Variants in HSPBAP1 observed in about 807,000 individuals in gnomAD.
The protein encoded by HSPBAP1 is HSPB1 associated protein 1.
Under a neutral mutation model 45.2 loss-of-function variants are expected in HSPBAP1, and 27 were observed. The ratio of observed to expected loss-of-function variants is 0.60; its 90% CI spans 0.44 to 0.82. The LOEUF is 0.82. Among genes scored for constraint, HSPBAP1 ranks in the 40% least tolerant of loss-of-function variants. The pLI is 0.00. For missense variants in HSPBAP1, 510 were observed against 590.9 expected, an observed-to-expected ratio of 0.86 and a Z score of 1.42; for synonymous variants, 204 against 202.7, an observed-to-expected ratio of 1.01 and a Z score of -0.06.
chr3:122,759,120 A>T, intron 4 of HSPBAP1, 104 bp downstream of exon 4: 3 of 1,453,524 alleles, frequency 2.1e-6, no homozygotes, highest in Non-Finnish European at 2.7e-6. Context: ...TGGGGCTGGG[A>T]CTACACCTTG....
intron 1 of HSPBAP1, among the ~76,000 whole-genome samples, chr3:122,780,228 C>T (rs1171091684): frequency 9.7e-5 from 5 of 51,504 alleles, no homozygotes; most frequent in Non-Finnish European, 1.9e-4. Context: ...GCTGGCCGGG[C>T]GGGGGGCTGA....
At chr3:122,776,961 T>G (rs1404194683) in intron 2 of HSPBAP1, among the ~76,000 whole-genome samples, 1 of 152,164 alleles carries the variant, frequency 6.6e-6, no homozygotes, top group African/African-American at 2.4e-5. Flanking sequence ...AAAACTGAAA[T>G]TCTAGACTAC....
At chr3:122,773,722 C>T (rs964987901) in intron 2 of HSPBAP1, among the ~76,000 whole-genome samples, 3 of 152,160 alleles carry the variant, frequency 2.0e-5, no homozygotes, top group East Asian at 1.9e-4. Context: ...ACTGCAGCCT[C>T]GACCTCCCAG....
chr3:122,752,575 A>C lies in HSPBAP1; in HGVS notation c.825+16T>G. On this transcript the variant is annotated intron_variant, in intron 6 of 7. Transcript: ENST00000306103. Reference sequence around the variant, plus strand: ...TGCACTTACTTAAAAAAAAAAAAAAAACAACGAAAAAGTACCAGTTCAATC... The same window carrying C: ...TGCACTTACTTAAAAAAAAAAAAAACACAACGAAAAAGTACCAGTTCAATC... 1 of 1,510,604 alleles carries C rather than the reference A, an allele frequency of 6.6e-7. No individual in the cohort carries two copies. Among genetic ancestry groups the C allele is most frequent in the Non-Finnish European group, 9.0e-7 (1 of 1,113,140 alleles). 93.6% of individuals were successfully genotyped at this position (1,510,604 alleles called of 1,614,324 possible).
chr3:122,780,973 C>G (rs531053753), intron 1 of HSPBAP1, among the ~76,000 whole-genome samples: 6 of 141,608 alleles, frequency 4.2e-5, no homozygotes, highest in African/African-American at 1.3e-4. Context: ...CGGGCAGAGA[C>G]GCTCCTCACT....
intron 3 of HSPBAP1, among the ~76,000 whole-genome samples, chr3:122,760,957 A>T (rs1243161046): frequency 6.6e-6 from 1 of 152,208 alleles, no homozygotes; most frequent in Non-Finnish European, 1.5e-5. Flanking sequence ...AAGTCTAATA[A>T]TGAGTGATAA....
Position 122,752,658 on chromosome 3 carries a change from C to T in HSPBAP1, c.758G>A (p.Arg253Lys). 1 of 1,608,224 alleles carries T rather than the reference C, an allele frequency of 6.2e-7. No homozygotes were observed. Among genetic ancestry groups the T allele is most frequent in the South Asian group, 1.1e-5 (1 of 89,682 alleles). ...LSPGQVLFVP[R>K]HWWHYVESID... is the part of the protein sequence containing the mutation. ...GGATTCTACGTAATGCCACCAGTGTCTGGGAACAAAGAGAACCTGAAAACC... is the reference window on the plus strand; with the variant it reads ...GGATTCTACGTAATGCCACCAGTGTTTGGGAACAAAGAGAACCTGAAAACC... Residue 253 changes from arginine (R) to lysine (K), a missense_variant, in exon 6 of 8, where the codon AGA becomes AAA. Physicochemically the swap from Arg to Lys is conservative, Grantham distance 26. Coordinates refer to ENST00000306103, the MANE Select transcript of HSPBAP1 (RefSeq NM_024610.6).
intron 1 of HSPBAP1, 32 bp downstream of exon 1, chr3:122,793,585 T>C (rs767233269): frequency 3.7e-6 from 6 of 1,607,586 alleles, no homozygotes; most frequent in Admixed American, 3.3e-5. Context: ...ATTGGGTTTG[T>C]ACTCAGGGTC....
rs1185699367 is a variant in HSPBAP1 at position 122,740,267 on chromosome 3, G to T, written c.*78C>A. On this transcript the variant is annotated 3_prime_UTR_variant, in exon 8 of 8. Coordinates refer to ENST00000306103, the MANE Select transcript of HSPBAP1 (RefSeq NM_024610.6). ...AAATGTGCAAACTGACCTTTTGCTG[G>T]TTCATCTTTATTTTAGTCATACTAC... The T allele has an allele frequency of 1.6e-5, 14 of 898,542 alleles. No individual in the cohort carries two copies. The highest frequency in any genetic ancestry group is 2.0e-5 in the Non-Finnish European group (13 of 638,578). The allele number at this position is 898,542 out of a possible 1,614,324, so 55.7% of individuals were successfully genotyped here. A position where few individuals can be genotyped will look rare whatever the true frequency, so the allele number is the denominator to read the frequency against.
At chr3:122,757,137 T>C (rs1046859000) in intron 4 of HSPBAP1, among the ~76,000 whole-genome samples, 1 of 151,558 alleles carries the variant, frequency 6.6e-6, no homozygotes, top group Non-Finnish European at 1.5e-5. Context: ...GGTTAAAAAA[T>C]GTAAAATGCA....
At chr3:122,750,321 A>G (rs1345600263) in intron 6 of HSPBAP1, among the ~76,000 whole-genome samples, 1 of 152,180 alleles carries the variant, frequency 6.6e-6, no homozygotes, top group African/African-American at 2.4e-5. Flanking sequence ...AAGAGAAGAG[A>G]TAAAAATACA....
chr3:122,753,187 G>A (rs902846353), intron 5 of HSPBAP1: 22 of 130,410 alleles, frequency 1.7e-4, no homozygotes, highest in Non-Finnish European at 2.0e-4. Flanking sequence ...GAGGTCAGGG[G>A]CAACATGGAT....
At chr3:122,778,631 GC>G (rs1935280684) in intron 1 of HSPBAP1, among the ~76,000 whole-genome samples, 1 of 151,454 alleles carries the variant, frequency 6.6e-6, no homozygotes, top group Non-Finnish European at 1.5e-5. Context: ...CCAGGTTCAC[GC>G]CGTTCTCCTG....
At chr3:122,785,724 T>C (rs892532692) in intron 1 of HSPBAP1, among the ~76,000 whole-genome samples, 1 of 152,204 alleles carries the variant, frequency 6.6e-6, no homozygotes, top group Non-Finnish European at 1.5e-5. Flanking sequence ...TAATTTTTTA[T>C]TTAACTTCTA....
At chr3:122,767,339 GA>G (rs1243541978) in intron 3 of HSPBAP1, among the ~76,000 whole-genome samples, 2 of 152,194 alleles carry the variant, frequency 1.3e-5, no homozygotes, top group Non-Finnish European at 1.5e-5. Context: ...GGGAATTTGA[GA>G]CCACCCTGGC....
rs1171391921 is a variant in HSPBAP1, at chr3:122,793,757, C to G, written c.-77G>C. On this transcript the variant is annotated 5_prime_UTR_variant, in exon 1 of 8. Transcript: ENST00000306103. ...TGGGGTCAGAGTAGGGGCCAAACTC[C>G]GAGACCCGAAGCTGCACCACAGGAA... is the stretch of plus-strand genomic sequence containing the variant. 5.8e-6 allele frequency: 8 copies of G among 1,369,334 alleles called. No homozygotes were observed. The highest frequency in any genetic ancestry group is 2.3e-5 in the East Asian group (1 of 42,874). 84.8% of individuals were successfully genotyped at this position (1,369,334 alleles called of 1,614,324 possible).
chr3:122,785,889 C>T (rs919706441), intron 1 of HSPBAP1, among the ~76,000 whole-genome samples: 3 of 149,068 alleles, frequency 2.0e-5, no homozygotes, highest in African/African-American at 7.5e-5. Flanking sequence ...TCTATAATTT[C>T]CATGTGTGTG....
chr3:122,760,003 C>T (rs1934512149), intron 3 of HSPBAP1, among the ~76,000 whole-genome samples: 1 of 152,158 alleles, frequency 6.6e-6, no homozygotes, highest in African/African-American at 2.4e-5. Context: ...CAAAATACAT[C>T]TTTTGAAATA....
At chr3:122,762,610 T>G (rs917862362) in intron 3 of HSPBAP1, among the ~76,000 whole-genome samples, 1 of 152,222 alleles carries the variant, frequency 6.6e-6, no homozygotes, top group African/African-American at 2.4e-5. Context: ...TAATTTTCCT[T>G]GTGATTTACT....
Sources: allele counts gnomAD v4.1 joint callset (sites outside exome capture counted in the v4.1 genomes callset), GRCh38; gene constraint gnomAD v4.1.1; transcripts MANE v1.5; gene names NCBI Gene and HGNC (gene_info 2026-07-23, HGNC 2026-07-21).